Variants in SGCZ observed in about 807,000 individuals in gnomAD.
SGCZ encodes zeta-sarcoglycan.
Under a neutral mutation model 41.3 loss-of-function variants are expected in SGCZ, and 40 were observed. The ratio of observed to expected loss-of-function variants is 0.97; its 90% CI spans 0.75 to 1.26. SGCZ has a LOEUF of 1.26. Ranked by LOEUF, SGCZ falls within the 50% of genes most tolerant of loss-of-function variation. The probability of loss-of-function intolerance (pLI) is 0.00; values close to 1 mark genes in which losing one functional copy is unlikely to be tolerated. For synonymous variants in SGCZ, 206 were observed against 137.5 expected, an observed-to-expected ratio of 1.50 and a Z score of -3.49; for missense variants, 552 against 369.8, an observed-to-expected ratio of 1.49 and a Z score of -4.04.
intron 6 of SGCZ, among the ~76,000 whole-genome samples, chr8:14,106,155 G>A (rs185696433): frequency 3.1e-4 from 47 of 152,226 alleles, no homozygotes; most frequent in Admixed American, 1.4e-3. Flanking sequence ...AATACTTATT[G>A]CAACTAGGAT....
At chr8:14,789,048 T>G (rs1445843491) in intron 1 of SGCZ, among the ~76,000 whole-genome samples, 1 of 152,140 alleles carries the variant, frequency 6.6e-6, no homozygotes, top group Non-Finnish European at 1.5e-5. Flanking sequence ...TCGTTAACAT[T>G]GGAATCACAG....
intron 1 of SGCZ, among the ~76,000 whole-genome samples, chr8:15,004,409 G>C (rs1802528065): frequency 6.6e-6 from 1 of 152,142 alleles, no homozygotes; most frequent in African/African-American, 2.4e-5. Flanking sequence ...ACTCAAGGCA[G>C]AAGTGGGAAA....
intron 2 of SGCZ, among the ~76,000 whole-genome samples, 195 bp from the exon 3 acceptor site, chr8:14,324,399 G>A (rs1388333463): frequency 6.6e-6 from 1 of 152,144 alleles, no homozygotes; most frequent in East Asian, 1.9e-4. Flanking sequence ...AAAATGAACA[G>A]GAAAAGAGGA....
intron 1 of SGCZ, among the ~76,000 whole-genome samples, chr8:15,130,984 T>C (rs143749919): frequency 2.5e-4 from 38 of 152,284 alleles, no homozygotes; most frequent in African/African-American, 7.7e-4. Context: ...ATGAATGAAC[T>C]CAGCAGCCTG....
At chr8:14,417,030 G>A (rs1048812682) in intron 2 of SGCZ, among the ~76,000 whole-genome samples, 4 of 151,772 alleles carry the variant, frequency 2.6e-5, no homozygotes, top group African/African-American at 9.7e-5. Context: ...CCAGGATCAA[G>A]CAGGCTCTTT....
At chr8:14,316,304 A>T (rs1801713368) in intron 3 of SGCZ, among the ~76,000 whole-genome samples, 1 of 152,056 alleles carries the variant, frequency 6.6e-6, no homozygotes, top group South Asian at 2.1e-4. Context: ...TTAATTCAAC[A>T]ATTTATTAAG....
intron 1 of SGCZ, among the ~76,000 whole-genome samples, chr8:14,869,964 T>C (rs1414645174): frequency 1.3e-5 from 2 of 152,288 alleles, no homozygotes; most frequent in Non-Finnish European, 2.9e-5. Flanking sequence ...TCCATGCTCA[T>C]GGATAGGAAG....
At chr8:14,630,892 G>C (rs1358099983) in intron 1 of SGCZ, among the ~76,000 whole-genome samples, 1 of 148,456 alleles carries the variant, frequency 6.7e-6, no homozygotes, top group Non-Finnish European at 1.5e-5. Context: ...GAGGGGAGAG[G>C]GATAGCATTA....
At chr8:14,840,336 G>A (rs756126339) in intron 1 of SGCZ, among the ~76,000 whole-genome samples, 23 of 152,036 alleles carry the variant, frequency 1.5e-4, no homozygotes, top group Non-Finnish European at 3.2e-4. Flanking sequence ...TTATAGTGTG[G>A]TTTCAAATAA....
At chr8:14,926,669 T>C (rs1799762046) in intron 1 of SGCZ, among the ~76,000 whole-genome samples, 1 of 152,086 alleles carries the variant, frequency 6.6e-6, no homozygotes, top group Non-Finnish European at 1.5e-5. Context: ...TTTGAGACAG[T>C]CTCGCTCTGT....
intron 1 of SGCZ, among the ~76,000 whole-genome samples, chr8:14,722,267 A>C (rs1481381112): frequency 1.3e-5 from 2 of 152,180 alleles, no homozygotes; most frequent in African/African-American, 4.8e-5. Flanking sequence ...TCTATAACAT[A>C]ATTTGCTATG....
chr8:15,177,089 G>A (rs1011925302), intron 1 of SGCZ, among the ~76,000 whole-genome samples: 3 of 152,190 alleles, frequency 2.0e-5, no homozygotes, highest in African/African-American at 7.2e-5. Context: ...TTCTAGGGAA[G>A]AAATTGTAGA....
chr8:15,032,929 C>A (rs969392682), intron 1 of SGCZ, among the ~76,000 whole-genome samples: 1 of 151,856 alleles, frequency 6.6e-6, no homozygotes, highest in African/African-American at 2.4e-5. Flanking sequence ...ACAGACCAGC[C>A]CAAAGCCCAT....
At chr8:14,561,499 T>A (rs996482076) in intron 1 of SGCZ, among the ~76,000 whole-genome samples, 1 of 152,142 alleles carries the variant, frequency 6.6e-6, no homozygotes, top group Non-Finnish European at 1.5e-5. Context: ...TCAAAATCTG[T>A]TTGTTACAAT....
chr8:15,127,837 C>G (rs1807761843), intron 1 of SGCZ, among the ~76,000 whole-genome samples: 1 of 151,988 alleles, frequency 6.6e-6, no homozygotes, highest in African/African-American at 2.4e-5. Flanking sequence ...CTAAAAGAAC[C>G]TAATTTTTAC....
At chr8:14,238,593 G>A (rs1392636868) in intron 3 of SGCZ, among the ~76,000 whole-genome samples, 1 of 152,096 alleles carries the variant, frequency 6.6e-6, no homozygotes, top group Non-Finnish European at 1.5e-5. Flanking sequence ...CACATATTAG[G>A]CTTCTGTCAT....
Position 14,085,463 on chromosome 8 carries a change from C to G in SGCZ, c.*4980G>C, listed in dbSNP as rs1490423738. On this transcript the variant is annotated 3_prime_UTR_variant, in exon 8 of 8. Transcript: ENST00000382080. ...TACGCAAACAAATGAGATACTAAGA[C>G]TGAAAAAAACAAAAAATAACTACAG... Among the ~76,000 whole-genome samples, 2 of 151,568 alleles carry G rather than the reference C, an allele frequency of 1.3e-5. No homozygotes were observed. Among genetic ancestry groups the G allele is most frequent in the African/African-American group, 2.4e-5 (1 of 41,328 alleles).
chr8:14,238,336 G>A (rs1389985904), intron 3 of SGCZ, among the ~76,000 whole-genome samples: 3 of 152,156 alleles, frequency 2.0e-5, no homozygotes, highest in Admixed American at 1.3e-4. Context: ...AATAATTTAT[G>A]AAGTGTTGAC....
intron 3 of SGCZ, among the ~76,000 whole-genome samples, chr8:14,252,136 T>C (rs1799310695): frequency 6.6e-6 from 1 of 152,170 alleles, no homozygotes; most frequent in African/African-American, 2.4e-5. Flanking sequence ...TCTTCCTTCA[T>C]TCTGCCTTTC....
Sources: gnomAD v4.1 joint callset for allele counts (sites outside exome capture counted in the v4.1 genomes callset) on GRCh38, gnomAD v4.1.1 for gene constraint, MANE v1.5 for transcripts, NCBI Gene and HGNC (gene_info 2026-07-23, HGNC 2026-07-21) for gene names.